RNF17: variants seen among roughly 807,000 people sequenced by gnomAD.
The protein encoded by RNF17 is ring finger protein 17, also known as spermatogenesis associated 23.
In RNF17, 31 loss-of-function variants were observed where a neutral mutation model predicts 200.5. That is an observed-to-expected ratio of 0.15 (90% CI 0.12 to 0.21). The LOEUF is 0.21. RNF17 is among the 10% of genes least tolerant of loss of function. The pLI is 1.00. For missense variants in RNF17, 1,628 were observed against 1,905.1 expected (o/e 0.85, Z 2.71); for synonymous variants, 606 against 637.8 (o/e 0.95, Z 0.75).
intron 18 of RNF17, among the ~76,000 whole-genome samples, chr13:24,834,419 T>TGAC (rs1566197619): frequency 6.6e-6 from 1 of 150,388 alleles, no homozygotes; most frequent in African/African-American, 2.5e-5. Flanking sequence ...CATCTCAAAT[T>TGAC]AACAACAACA....
intron 9 of RNF17, among the ~76,000 whole-genome samples, chr13:24,790,386 T>C (rs760716416): frequency 5.9e-5 from 9 of 152,112 alleles, no homozygotes; most frequent in Non-Finnish European, 1.2e-4. Context: ...TGCTGTCTGA[T>C]GATGTTTGAA....
chr13:24,764,268 G>A lies in RNF17; in HGVS notation c.65G>A (p.Ser22Asn). 1 of 1,611,164 alleles carries A rather than the reference G, an allele frequency of 6.2e-7. No individual in the cohort carries two copies. Among genetic ancestry groups the A allele is most frequent in the Admixed American group, 1.7e-5 (1 of 59,966 alleles). ...RSSYQRMGRKSQPWGAAEIQC... is the reference protein window; with the variant it reads ...RSSYQRMGRKNQPWGAAEIQC... Reference sequence around the variant, plus strand: ...TCCTACCAGCGAATGGGGAGGAAGAGTCAGCCCTGGGGTGCCGCTGAAATC... The same window carrying A: ...TCCTACCAGCGAATGGGGAGGAAGAATCAGCCCTGGGGTGCCGCTGAAATC... Residue 22 changes from serine to asparagine, a missense_variant, in exon 1 of 36, where the codon AGT (serine) becomes AAT (asparagine). Transcript: ENST00000255324.
intron 34 of RNF17, among the ~76,000 whole-genome samples, chr13:24,878,662 T>C (rs1486825244): frequency 6.6e-6 from 1 of 152,146 alleles, no homozygotes; most frequent in Non-Finnish European, 1.5e-5. Context: ...TGTCCCCCAC[T>C]TAGGAAGGAA....
At chr13:24,888,476 C>A in the RNF17 span, among the ~76,000 whole-genome samples, 11 of 152,158 alleles carry the variant, frequency 7.2e-5, no homozygotes, top group African/African-American at 2.4e-4. Flanking sequence ...CAGGGCCTTA[C>A]CAGCTCACGG....
intron 18 of RNF17, among the ~76,000 whole-genome samples, chr13:24,833,009 G>A (rs1593376834): frequency 6.6e-6 from 1 of 152,258 alleles, no homozygotes; most frequent in Non-Finnish European, 1.5e-5. Context: ...GCCTCCCAAA[G>A]TTCTGGGATT....
chr13:24,867,151 C>T (rs1355895867), intron 30 of RNF17, among the ~76,000 whole-genome samples: 1 of 152,148 alleles, frequency 6.6e-6, no homozygotes, highest in East Asian at 1.9e-4. Flanking sequence ...AGTACCTTAT[C>T]AAATATATGA....
At chr13:24,770,054 C>T (rs773661861) in intron 2 of RNF17, among the ~76,000 whole-genome samples, 5 of 152,040 alleles carry the variant, frequency 3.3e-5, no homozygotes, top group Non-Finnish European at 7.4e-5. Flanking sequence ...GTCTAAAATA[C>T]ATTGGGCCAT....
rs35220494 is a variant in RNF17, at chr13:24,771,323, C to CTTTTTTTTT, written c.226-3471_226-3463dup. On this transcript the variant is annotated intron_variant, in intron 2 of 35. Coordinates refer to ENST00000255324, the MANE Select transcript of RNF17 (RefSeq NM_031277.3). ...GGGAGTACCACTGCACACAGATAATCTTTTTTTTTTTTTTTTTTTTTTTTT... is the reference window on the plus strand; with the variant it reads ...GGGAGTACCACTGCACACAGATAATCTTTTTTTTTTTTTTTTTTTTTTTTTTTTTTTTTT... Among the ~76,000 whole-genome samples, 233 of 78,004 alleles carry CTTTTTTTTT rather than the reference C, an allele frequency of 3.0e-3. 24 individuals carry two copies. Among genetic ancestry groups the CTTTTTTTTT allele is most frequent in the African/African-American group, 6.9e-3 (150 of 21,584 alleles). 51.2% of individuals were successfully genotyped at this position (78,004 alleles called of 152,430 possible).
rs1371251185 is a variant in RNF17 at position 24,879,227 on chromosome 13, A to G, written c.4814A>G (p.Glu1605Gly). The G allele has an allele frequency of 6.2e-7, 1 of 1,613,816 alleles. No homozygotes were observed. The highest frequency in any genetic ancestry group is 8.5e-7 in the Non-Finnish European group (1 of 1,179,828). The change falls in exon 35 of 36, where the codon GAA becomes GGA. Residue 1605 changes from glutamate (E) to glycine (G), a missense_variant. Physicochemically the swap from Glu to Gly is moderately conservative, Grantham distance 98. This residue lies in a region of RNF17 where 609 missense variants were observed against 681.9 expected (regional missense o/e 0.89). Coordinates refer to ENST00000255324, the MANE Select transcript of RNF17 (RefSeq NM_031277.3). The stretch of plus-strand genomic sequence containing the variant: ...CAGATAGTGACATTATATGACGATG[A>G]ACAGCATCCAGTTCATATGCCGTTG... Reference protein sequence around the residue: ...PEQIVTLYDDEQHPVHMPLVE... With the variant: ...PEQIVTLYDDGQHPVHMPLVE...
At chr13:24,812,684 CT>C (rs756197370) in intron 15 of RNF17, among the ~76,000 whole-genome samples, 11,542 of 86,782 alleles carry the variant, frequency 0.13, 2,524 homozygotes, top group Non-Finnish European at 0.19. Context: ...GCCCCACCCC[CT>C]TTTTTTTTTT....
rs1285584797 is a variant in RNF17, at chr13:24,879,235, C to A, written c.4822C>A (p.Pro1608Thr). The A allele has an allele frequency of 6.2e-7, 1 of 1,613,768 alleles. No individual in the cohort carries two copies. The highest frequency in any genetic ancestry group is 8.5e-7 in the Non-Finnish European group (1 of 1,179,706). The change falls in exon 35 of 36, where the codon CCA becomes ACA. Residue 1608 changes from proline (P) to threonine (T), a missense_variant. By Grantham distance (38) the Pro-to-Thr change is conservative. Coordinates refer to ENST00000255324, the MANE Select transcript of RNF17 (RefSeq NM_031277.3). ...IVTLYDDEQH[P>T]VHMPLVEMGL... ...GACATTATATGACGATGAACAGCAT[C>A]CAGTTCATATGCCGTTGGTAGAAAT... is the stretch of plus-strand genomic sequence containing the variant.
chr13:24,827,882 A>G (rs560763802), intron 16 of RNF17, among the ~76,000 whole-genome samples: 166 of 152,098 alleles, frequency 1.1e-3, no homozygotes, highest in African/African-American at 3.1e-3. Flanking sequence ...TGCCAGAAGT[A>G]TGAAAAAGGA....
intron 34 of RNF17, 109 bp downstream of exon 34, chr13:24,877,295 T>G: frequency 2.6e-6 from 2 of 782,854 alleles, no homozygotes; most frequent in Non-Finnish European, 4.2e-6. Flanking sequence ...CTAAAGCATA[T>G]ACAGCTATAT....
At chr13:24,754,482 G>A in the RNF17 span, among the ~76,000 whole-genome samples, 1 of 152,102 alleles carries the variant, frequency 6.6e-6, no homozygotes, top group Non-Finnish European at 1.5e-5. Context: ...TTGCACAAAG[G>A]TGGTATGCAA....
intron 25 of RNF17, among the ~76,000 whole-genome samples, chr13:24,858,549 G>T (rs1012940482): frequency 1.4e-5 from 2 of 139,516 alleles, no homozygotes; most frequent in Admixed American, 1.5e-4. Flanking sequence ...TGACTCCAGA[G>T]CTTACCTTCT....
At chr13:24,883,947 C>T, downstream of RNF17, 9 of 1,614,048 alleles carry the variant, frequency 5.6e-6, no homozygotes, top group Non-Finnish European at 7.6e-6. Flanking sequence ...TTTCTGTGAA[C>T]ATAATGTTGC....
intron 10 of RNF17, 73 bp from the exon 11 acceptor site, chr13:24,796,064 T>A: frequency 8.4e-7 from 1 of 1,188,212 alleles, no homozygotes. Context: ...TAGAGGCTAT[T>A]ATGGTTGTTC....
chr13:24,786,152 T>C (rs547552730), intron 6 of RNF17, among the ~76,000 whole-genome samples: 1 of 152,176 alleles, frequency 6.6e-6, no homozygotes, highest in Non-Finnish European at 1.5e-5. Flanking sequence ...AGTCACAAAT[T>C]TTGATTCCTT....
intron 7 of RNF17, among the ~76,000 whole-genome samples, chr13:24,788,965 GT>G (rs1883486891): frequency 6.6e-6 from 1 of 152,060 alleles, no homozygotes; most frequent in African/African-American, 2.4e-5. Flanking sequence ...AACAATAATA[GT>G]TGTTTCCTGT....
Sources: gnomAD v4.1 joint callset for allele counts (sites outside exome capture counted in the v4.1 genomes callset) on GRCh38, gnomAD v4.1.1 for gene constraint, gnomAD v4.1.1 regional missense constraint, MANE v1.5 for transcripts, NCBI Gene and HGNC (gene_info 2026-07-23, HGNC 2026-07-21) for gene names.